XKR6: variants seen among roughly 807,000 people sequenced by gnomAD.
XKR6 encodes the protein XK related 6.
A neutral mutation model predicts 56.7 loss-of-function variants in XKR6; 22 were observed. That is an observed-to-expected ratio of 0.39 (90% CI 0.28 to 0.55). XKR6 has a LOEUF of 0.55. XKR6 is among the 20% of genes least tolerant of loss of function. XKR6 has a pLI of 0.66. For missense variants in XKR6, 852 were observed against 889.0 expected (o/e 0.96, Z 0.53); for synonymous variants, 524 against 387.8 (o/e 1.35, Z -4.13).
chr8:10,974,353 G>C lies in XKR6; in HGVS notation c.765-49523C>G, dbSNP rs539578709. ...AGCACCTTGGCCACAGTCACAGTGA[G>C]ACCATTGCCAGCTAATTCTCTCCTG... On this transcript the variant is annotated intron_variant, in intron 1 of 2. Transcript: ENST00000416569. Among the ~76,000 whole-genome samples, 61 of 152,340 alleles carry C rather than the reference G, an allele frequency of 4.0e-4. 1 individual carries two copies. Among genetic ancestry groups the C allele is most frequent in the African/African-American group, 1.4e-3 (59 of 41,582 alleles).
At chr8:10,998,960 C>G (rs866648822) in intron 1 of XKR6, among the ~76,000 whole-genome samples, 24 of 152,338 alleles carry the variant, frequency 1.6e-4, no homozygotes, top group Middle Eastern at 3.4e-3. Flanking sequence ...TGAATCTCTC[C>G]AAGTCTCAGA....
rs1184765539 is a variant in XKR6 at position 11,154,282 on chromosome 8, C to G, written c.764+46294G>C. 2.0e-5 allele frequency among the ~76,000 whole-genome samples: 3 copies of G among 152,200 alleles called. No homozygotes were observed. In the East Asian group the frequency reaches 5.8e-4, roughly 29 times the overall value. ...GCAATCAATCAATCAAACATGCTAT[C>G]TCAGGAAGCTCTAATAAAAACTCTA... On this transcript the variant is annotated intron_variant, in intron 1 of 2. Coordinates refer to ENST00000416569, the MANE Select transcript of XKR6 (RefSeq NM_173683.4).
At position 11,134,698 on chromosome 8, in the gene XKR6, G is replaced by GCA. The variant is rs148279384; in HGVS notation, c.764+65876_764+65877dup. ...ATGAAGGCTATCTGAATACACACAC[G>GCA]CACACACACACACACACAGCCCCAA... On this transcript the variant is annotated intron_variant, in intron 1 of 2. Transcript: ENST00000416569. Among the ~76,000 whole-genome samples, 573 of 148,964 alleles carry GCA rather than the reference G, an allele frequency of 3.8e-3. 13 individuals are homozygous for GCA. The East Asian group carries it at 0.055, about 14-fold the overall frequency.
chr8:11,036,474 G>A (rs1205763880), intron 1 of XKR6, among the ~76,000 whole-genome samples: 1 of 152,196 alleles, frequency 6.6e-6, no homozygotes, highest in Non-Finnish European at 1.5e-5. Context: ...CAGCATCAAT[G>A]GGAGCTTGTT....
At chr8:11,084,845 G>A (rs564066206) in intron 1 of XKR6, among the ~76,000 whole-genome samples, 2 of 152,300 alleles carry the variant, frequency 1.3e-5, no homozygotes, top group South Asian at 2.1e-4. Context: ...CACTCGATGG[G>A]AAAGAGCTCT....
At chr8:11,178,547 A>ATATATATATATATGTAT (rs1802779230) in intron 1 of XKR6, among the ~76,000 whole-genome samples, 1 of 88,508 alleles carries the variant, frequency 1.1e-5, no homozygotes, top group African/African-American at 5.8e-5. Context: ...GAGAGGTAAA[A>ATATATATATATATGTAT]ATATATATAT....
At chr8:10,954,105 A>G (rs947235123) in intron 1 of XKR6, among the ~76,000 whole-genome samples, 2 of 152,258 alleles carry the variant, frequency 1.3e-5, no homozygotes, top group South Asian at 4.1e-4. Flanking sequence ...GGCTATTATG[A>G]GTAATGCTGC....
At chr8:11,090,688 A>T (rs142391512) in intron 1 of XKR6, among the ~76,000 whole-genome samples, 1 of 152,304 alleles carries the variant, frequency 6.6e-6, no homozygotes, top group African/African-American at 2.4e-5. Flanking sequence ...CCTCTTCAGA[A>T]AGTGCCTGTT....
intron 1 of XKR6, among the ~76,000 whole-genome samples, chr8:11,074,816 G>C (rs984707109): frequency 1.7e-4 from 26 of 152,238 alleles, no homozygotes; most frequent in African/African-American, 5.5e-4. Flanking sequence ...GCTGAATGAA[G>C]TTCTCATGCT....
chr8:11,016,696 C>A (rs1474285345), intron 1 of XKR6, among the ~76,000 whole-genome samples: 1 of 152,224 alleles, frequency 6.6e-6, no homozygotes, highest in African/African-American at 2.4e-5. Flanking sequence ...GCCTCCGCCT[C>A]TGCCTCCGCG....
chr8:11,151,534 A>T (rs1472772882), intron 1 of XKR6, among the ~76,000 whole-genome samples: 1 of 152,150 alleles, frequency 6.6e-6, no homozygotes, highest in Admixed American at 6.5e-5. Flanking sequence ...TACCCATGTG[A>T]ACAAGATGTG....
At chr8:11,089,613 G>A (rs1394727187) in intron 1 of XKR6, among the ~76,000 whole-genome samples, 1 of 152,090 alleles carries the variant, frequency 6.6e-6, no homozygotes, top group Non-Finnish European at 1.5e-5. Flanking sequence ...CTTCTGCCTA[G>A]GTGACAGAGT....
At position 10,900,183 on chromosome 8, in the gene XKR6, G is replaced by A. The variant is rs532303801; in HGVS notation, c.962-1267C>T. Among the ~76,000 whole-genome samples the A allele has an allele frequency of 4.6e-5, 7 of 152,218 alleles. No homozygotes were observed. In the South Asian group the frequency reaches 1.0e-3, roughly 23 times the overall value. ...TCCCACGGAGCACAATTCCCCCCAC[G>A]ACATTCTTCCAGGTTGAAATCAAGG... On this transcript the variant is annotated intron_variant, in intron 2 of 2. Coordinates refer to ENST00000416569, the MANE Select transcript of XKR6 (RefSeq NM_173683.4).
chr8:11,051,807 C>A (rs1264738836), intron 1 of XKR6, among the ~76,000 whole-genome samples: 2 of 151,796 alleles, frequency 1.3e-5, no homozygotes, highest in Non-Finnish European at 2.9e-5. Context: ...GCCTTTTTTT[C>A]TGTGTTTCTT....
intron 1 of XKR6, among the ~76,000 whole-genome samples, chr8:10,973,124 G>C (rs531206113): frequency 2.6e-5 from 4 of 152,214 alleles, no homozygotes; most frequent in African/African-American, 9.6e-5. Flanking sequence ...CTGAGAACAC[G>C]CATTATAGGA....
chr8:11,058,608 G>A (rs1469279842), intron 1 of XKR6, among the ~76,000 whole-genome samples: 2 of 152,176 alleles, frequency 1.3e-5, no homozygotes, highest in Non-Finnish European at 2.9e-5. Context: ...AACACCACAT[G>A]TTCTCACTCA....
chr8:11,199,204 G>A (rs1195365520), intron 1 of XKR6, among the ~76,000 whole-genome samples: 1 of 152,176 alleles, frequency 6.6e-6, no homozygotes, highest in African/African-American at 2.4e-5. Context: ...AACTCTGGGT[G>A]GTGCAGGGCC....
At chr8:10,941,017 C>G (rs1332658182) in intron 1 of XKR6, among the ~76,000 whole-genome samples, 1 of 152,230 alleles carries the variant, frequency 6.6e-6, no homozygotes, top group African/African-American at 2.4e-5. Context: ...CCGGGCCAGG[C>G]TTCTCAGACA....
At chr8:11,053,302 T>C (rs1352061451) in intron 1 of XKR6, among the ~76,000 whole-genome samples, 2 of 152,212 alleles carry the variant, frequency 1.3e-5, no homozygotes, top group Non-Finnish European at 2.9e-5. Context: ...AGTCTCTGCA[T>C]TAAGCAACCC....
Sources: allele counts gnomAD v4.1 joint callset (sites outside exome capture counted in the v4.1 genomes callset), GRCh38; gene constraint gnomAD v4.1.1; transcripts MANE v1.5; gene names NCBI Gene and HGNC (gene_info 2026-07-23, HGNC 2026-07-21).